Variants in RABGAP1L observed in about 807,000 individuals in gnomAD.
RABGAP1L encodes the protein rab GTPase-activating protein 1-like.
In RABGAP1L, 63 loss-of-function variants were observed where a neutral mutation model predicts 137.7. The ratio of observed to expected loss-of-function variants is 0.46; its 90% CI spans 0.37 to 0.56. RABGAP1L has a LOEUF of 0.56. Among genes scored for constraint, RABGAP1L ranks in the 20% least tolerant of loss-of-function variants. RABGAP1L has a pLI of 0.00. For missense variants in RABGAP1L, 1,095 were observed against 1,244.0 expected (o/e 0.88, Z 1.80); for synonymous variants, 431 against 433.7 (o/e 0.99, Z 0.08).
chr1:174,753,003 C>T (rs1283258638), intron 18 of RABGAP1L, among the ~76,000 whole-genome samples: 1 of 152,178 alleles, frequency 6.6e-6, no homozygotes, highest in East Asian at 1.9e-4. Flanking sequence ...ATAATTGCCT[C>T]AAAGGCACAG....
intron 13 of RABGAP1L, among the ~76,000 whole-genome samples, chr1:174,459,659 T>C (rs947099885): frequency 6.6e-6 from 1 of 152,134 alleles, no homozygotes; most frequent in Non-Finnish European, 1.5e-5. Context: ...CAAGTCTGTA[T>C]GTGTTGAACA....
At chr1:174,612,890 A>C (rs1232632742) in intron 13 of RABGAP1L, among the ~76,000 whole-genome samples, 4 of 151,556 alleles carry the variant, frequency 2.6e-5, no homozygotes, top group African/African-American at 4.9e-5. Context: ...TTTCTGTGGG[A>C]TCGGTGGTGA....
At chr1:174,946,917 A>ATATAT (rs1252382067) in intron 19 of RABGAP1L, among the ~76,000 whole-genome samples, 58 of 59,798 alleles carry the variant, frequency 9.7e-4, no homozygotes, top group South Asian at 3.9e-3. Flanking sequence ...AAAAAAAAAA[A>ATATAT]ATATATATAT....
intron 10 of RABGAP1L, among the ~76,000 whole-genome samples, chr1:174,279,978 A>G (rs1009495255): frequency 2.6e-5 from 4 of 151,618 alleles, no homozygotes; most frequent in Non-Finnish European, 5.9e-5. Flanking sequence ...AATGTAAATT[A>G]TACCTCCTAG....
chr1:174,290,963 T>C (rs1470737685), intron 10 of RABGAP1L, among the ~76,000 whole-genome samples: 1 of 152,134 alleles, frequency 6.6e-6, no homozygotes, highest in Non-Finnish European at 1.5e-5. Flanking sequence ...TCTTGCTATG[T>C]TGCCCAGGCT....
chr1:174,604,760 TCTTTA>T (rs1167070080), intron 13 of RABGAP1L, among the ~76,000 whole-genome samples: 1 of 152,196 alleles, frequency 6.6e-6, no homozygotes, highest in Admixed American at 6.5e-5. Context: ...AAATGGGTGC[TCTTTA>T]CTTTAAGAGT....
At chr1:174,894,726 T>C (rs1656839988) in intron 19 of RABGAP1L, among the ~76,000 whole-genome samples, 1 of 140,944 alleles carries the variant, frequency 7.1e-6, no homozygotes, top group Admixed American at 6.9e-5. Flanking sequence ...GTTGGGTTTT[T>C]TGTTGTTTTT....
intron 13 of RABGAP1L, among the ~76,000 whole-genome samples, chr1:174,600,375 C>CA (rs1670318076): frequency 6.6e-6 from 1 of 152,194 alleles, no homozygotes; most frequent in African/African-American, 2.4e-5. Flanking sequence ...GCCTTCCCAA[C>CA]AGTCCCGCAA....
chr1:174,259,809 A>C lies in RABGAP1L; in HGVS notation c.986+7219A>C, dbSNP rs544612525. ...GCCATTGAACAACTTTTCTTAACAT[A>C]TGAGGAAGGTACTGTTATTATTACT... On this transcript the variant is annotated intron_variant, in intron 7 of 25. Coordinates refer to ENST00000681986, the MANE Select transcript of RABGAP1L (RefSeq NM_001366446.1). 7.1e-4 allele frequency among the ~76,000 whole-genome samples: 108 copies of C among 151,974 alleles called. 1 individual carries two copies. Among genetic ancestry groups the C allele is most frequent in the African/African-American group, 2.5e-3 (102 of 41,444 alleles).
chr1:174,443,551 C>T lies in RABGAP1L; in HGVS notation c.1710+49406C>T, dbSNP rs1016085594. 6.6e-5 allele frequency among the ~76,000 whole-genome samples: 10 copies of T among 151,930 alleles called. No homozygotes were observed. The East Asian group carries it at 1.3e-3, about 20-fold the overall frequency. On this transcript the variant is annotated intron_variant, in intron 13 of 25. Coordinates refer to ENST00000681986, the MANE Select transcript of RABGAP1L (RefSeq NM_001366446.1). ...GAGAAATGTCTATTCAGATCTTTTGCTGACTTTTTAATAGTTTTTTTCTGA... is the reference window on the plus strand; with the variant it reads ...GAGAAATGTCTATTCAGATCTTTTGTTGACTTTTTAATAGTTTTTTTCTGA...
intron 13 of RABGAP1L, among the ~76,000 whole-genome samples, chr1:174,519,843 C>G (rs1366761590): frequency 6.6e-6 from 1 of 152,140 alleles, no homozygotes; most frequent in African/African-American, 2.4e-5. Context: ...ATTTCAAACC[C>G]ATTAAAGAGG....
chr1:174,192,292 G>A (rs2143114), intron 1 of RABGAP1L, among the ~76,000 whole-genome samples: 87,207 of 148,308 alleles, frequency 0.59, 28,454 homozygotes, highest in African/African-American at 0.9. Context: ...GAGTCTAATT[G>A]AGTCACTTAT....
At chr1:174,689,084 A>G (rs1678682416) in intron 15 of RABGAP1L, among the ~76,000 whole-genome samples, 1 of 152,084 alleles carries the variant, frequency 6.6e-6, no homozygotes, top group Non-Finnish European at 1.5e-5. Context: ...CATCCTTTGT[A>G]AGTTTTTTTA....
chr1:174,755,315 C>T (rs1184791018), intron 18 of RABGAP1L, among the ~76,000 whole-genome samples: 1 of 152,174 alleles, frequency 6.6e-6, no homozygotes, highest in African/African-American at 2.4e-5. Context: ...GTAGGTAGGT[C>T]AGATATATTC....
At chr1:174,537,368 CAG>C (rs1472107833) in intron 13 of RABGAP1L, among the ~76,000 whole-genome samples, 1 of 152,168 alleles carries the variant, frequency 6.6e-6, no homozygotes, top group African/African-American at 2.4e-5. Context: ...GCCTTTCTCT[CAG>C]GGTACAAAAG....
At chr1:174,859,351 C>T (rs867192965) in intron 19 of RABGAP1L, among the ~76,000 whole-genome samples, 2 of 151,826 alleles carry the variant, frequency 1.3e-5, no homozygotes, top group Non-Finnish European at 1.5e-5. Context: ...GGCGTGGTGG[C>T]GGGTGCCTGT....
intron 17 of RABGAP1L, among the ~76,000 whole-genome samples, chr1:174,710,236 A>C (rs1394947398): frequency 1.3e-5 from 2 of 152,306 alleles, no homozygotes; most frequent in Non-Finnish European, 2.9e-5. Flanking sequence ...TGGAAAACAC[A>C]CTTCAGGATA....
intron 13 of RABGAP1L, among the ~76,000 whole-genome samples, chr1:174,438,945 T>C (rs1653801418): frequency 6.6e-6 from 1 of 151,704 alleles, no homozygotes; most frequent in African/African-American, 2.4e-5. Context: ...TTTTTATATA[T>C]TGACCTGTGT....
intron 17 of RABGAP1L, among the ~76,000 whole-genome samples, chr1:174,718,545 G>C (rs1681210399): frequency 6.6e-6 from 1 of 152,198 alleles, no homozygotes; most frequent in African/African-American, 2.4e-5. Flanking sequence ...TGATGTCTCA[G>C]TTGGATATTA....
Sources: gnomAD v4.1 joint callset for allele counts (sites outside exome capture counted in the v4.1 genomes callset) on GRCh38, gnomAD v4.1.1 for gene constraint, MANE v1.5 for transcripts, NCBI Gene and HGNC (gene_info 2026-07-23, HGNC 2026-07-21) for gene names.